VRK3: variants seen among roughly 807,000 people sequenced by gnomAD.
VRK3 encodes VRK serine/threonine kinase 3.
A neutral mutation model predicts 60.4 loss-of-function variants in VRK3; 50 were observed. The ratio of observed to expected loss-of-function variants is 0.83; its 90% CI spans 0.66 to 1.05. The LOEUF is 1.05. Among genes scored for constraint, VRK3 ranks in the 50% least tolerant of loss-of-function variants. The pLI is 0.00. For synonymous variants in VRK3, 246 were observed against 227.8 expected (o/e 1.08, Z -0.72); for missense variants, 549 against 585.3 (o/e 0.94, Z 0.64).
In VRK3 at chr19:50,007,699, C is replaced by T. The variant is rs768269008; in HGVS notation, c.417G>A (p.Thr139=). The T allele has an allele frequency of 4.4e-5, 71 of 1,614,062 alleles. No homozygotes were observed. The highest frequency in any genetic ancestry group is 4.7e-5 in the Non-Finnish European group (55 of 1,180,058). Residue 139 remains threonine (T), a synonymous_variant, in exon 5 of 15, where the codon ACG becomes ACA. Coordinates refer to ENST00000316763, the MANE Select transcript of VRK3 (RefSeq NM_016440.4). The part of the protein sequence containing the change: ...SPQKTRQSPQ[T]LKRSRVTTSL... ...AGGTGGTCACTCGGCTCCGCTTCAG[C>T]GTCTGAGGGCTCTGCCTGGTCTTCT...
chr19:50,012,789 C>T (rs1246256982), intron 3 of VRK3, among the ~76,000 whole-genome samples: 5 of 151,884 alleles, frequency 3.3e-5, no homozygotes, highest in South Asian at 2.1e-4. Flanking sequence ...GCAGGAAAAT[C>T]GCTTGAACCT....
chr19:50,000,530 C>G, intron 6 of VRK3: 1 of 533,322 alleles, frequency 1.9e-6, no homozygotes, highest in Non-Finnish European at 3.4e-6. Flanking sequence ...AAACTGAGCT[C>G]TGAGGGGGAT....
intron 5 of VRK3, among the ~76,000 whole-genome samples, chr19:50,004,377 C>A (rs1307949073): frequency 3.3e-5 from 5 of 152,096 alleles, no homozygotes; most frequent in Admixed American, 2.0e-4. Flanking sequence ...TGCTCCTCGG[C>A]CCCTCATTCC....
chr19:49,989,693 TC>T lies in VRK3; in HGVS notation c.1041del (p.Ser348AlafsTer34). On this transcript the variant is annotated frameshift_variant, in exon 11 of 15. Transcript: ENST00000316763. LOFTEE classifies it high-confidence loss of function. Reference sequence around the variant, plus strand: ...AACTCAAGGTCCCCCTCGTGAGGGCTCCTGCTGCCTTCCACGTAGGCCACGT... The same window carrying T: ...AACTCAAGGTCCCCCTCGTGAGGGCTCTGCTGCCTTCCACGTAGGCCACGT... ...GKHVAYVEGSRSPHEGDLEFI... is the reference protein window; with the variant it reads ...GKHVAYVEGSXSPHEGDLEFI... 6.2e-7 allele frequency: 1 copy of T among 1,613,928 alleles called. No individual in the cohort carries two copies. Among genetic ancestry groups the T allele is most frequent in the Non-Finnish European group, 8.5e-7 (1 of 1,179,858 alleles).
chr19:49,989,165 T>C (rs549841499), intron 11 of VRK3, among the ~76,000 whole-genome samples: 1 of 152,154 alleles, frequency 6.6e-6, no homozygotes, highest in African/African-American at 2.4e-5. Flanking sequence ...TATAAAGGGA[T>C]GTGAGAAAGA....
intron 12 of VRK3, among the ~76,000 whole-genome samples, chr19:49,983,660 TCTC>T (rs1278546855): frequency 2.6e-5 from 4 of 152,392 alleles, no homozygotes; most frequent in Admixed American, 2.6e-4. Context: ...TTCAACGGCC[TCTC>T]CTCCTTCTTT....
intron 6 of VRK3, chr19:50,000,388 TTC>T (rs142667207): frequency 0.039 from 8,161 of 207,712 alleles, 701 homozygotes; most frequent in African/African-American, 0.18. Flanking sequence ...ATCTGCTGGG[TTC>T]TCTTTTGGAC....
intron 1 of VRK3, among the ~76,000 whole-genome samples, chr19:50,022,188 CA>C (rs2122704327): frequency 6.6e-6 from 1 of 152,330 alleles, no homozygotes; most frequent in African/African-American, 2.4e-5. Context: ...CCAATTTATA[CA>C]ACGAAAACGC....
intron 1 of VRK3, among the ~76,000 whole-genome samples, chr19:50,021,983 A>G (rs1035852789): frequency 6.6e-6 from 1 of 152,066 alleles, no homozygotes; most frequent in African/African-American, 2.4e-5. Context: ...TTAAGCGGCG[A>G]GCCAGACACA....
chr19:50,006,337 T>TAATAAC (rs1371841724), intron 5 of VRK3, among the ~76,000 whole-genome samples: 7,682 of 150,962 alleles, frequency 0.051, 639 homozygotes, highest in African/African-American at 0.18. Context: ...TAAATAATAA[T>TAATAAC]AATAAAAGAA....
chr19:49,980,200 C>T (rs1454508060), intron 13 of VRK3, among the ~76,000 whole-genome samples: 1 of 152,124 alleles, frequency 6.6e-6, no homozygotes, highest in Non-Finnish European at 1.5e-5. Context: ...GGCACAAAGA[C>T]AACAGGAAAA....
In VRK3 at chr19:50,000,794, T is replaced by TTC. The variant is rs1164184293; in HGVS notation, c.607_608insGA (p.Lys203ArgfsTer106). 8 of 1,613,260 alleles carry TTC rather than the reference T, an allele frequency of 5.0e-6. No individual in the cohort carries two copies. Among genetic ancestry groups the TTC allele is most frequent in the Non-Finnish European group, 6.8e-6 (8 of 1,179,660 alleles). On this transcript the variant is annotated frameshift_variant, in exon 6 of 15. Transcript: ENST00000316763. LOFTEE classifies it high-confidence loss of function. Reference sequence around the variant, plus strand: ...CCCACCTGCAGGGTCACTTACCAGTTTGAGTGAGAACTTTTGCTTCTGTGG... The same window carrying TTC: ...CCCACCTGCAGGGTCACTTACCAGTTTCTGAGTGAGAACTTTTGCTTCTGTGG...
chr19:50,021,877 C>T (rs1404972721), intron 1 of VRK3, among the ~76,000 whole-genome samples: 1 of 152,216 alleles, frequency 6.6e-6, no homozygotes, highest in Non-Finnish European at 1.5e-5. Context: ...CAGAACCTTC[C>T]CAATCACCCT....
rs1053936986 is a variant in VRK3 at position 49,977,714 on chromosome 19, C to A, written c.*12-930G>T. On this transcript the variant is annotated intron_variant, in intron 14 of 14. Transcript: ENST00000316763. The stretch of plus-strand genomic sequence containing the variant: ...GGGGGAGCAAGGGTGTTGGGGAGGA[C>A]CCCGAGCTGTCTGGCCTGGATAACT... Among the ~76,000 whole-genome samples the A allele has an allele frequency of 4.6e-5, 7 of 152,066 alleles. 1 individual carries two copies. Among genetic ancestry groups the A allele is most frequent in the Admixed American group, 2.6e-4 (4 of 15,262 alleles).
Position 50,009,226 on chromosome 19 carries a change from T to G in VRK3, c.289+10A>C. On this transcript the variant is annotated intron_variant, in intron 4 of 14. Coordinates refer to ENST00000316763, the MANE Select transcript of VRK3 (RefSeq NM_016440.4). ...CTTAAGAGTCAGGCCAGATAGACCTTAACTCTTACCTTTGGATCTCTCAGA... is the reference window on the plus strand; with the variant it reads ...CTTAAGAGTCAGGCCAGATAGACCTGAACTCTTACCTTTGGATCTCTCAGA... 1 of 1,613,410 alleles carries G rather than the reference T, an allele frequency of 6.2e-7. No individual in the cohort carries two copies. The highest frequency in any genetic ancestry group is 8.5e-7 in the Non-Finnish European group (1 of 1,179,622).
At chr19:49,986,042 A>G (rs1034557055) in intron 12 of VRK3, among the ~76,000 whole-genome samples, 2 of 152,184 alleles carry the variant, frequency 1.3e-5, no homozygotes, top group African/African-American at 4.8e-5. Flanking sequence ...CAAGTGTATA[A>G]TAAATGTTAG....
At chr19:49,978,865 C>T (rs1476484392) in intron 14 of VRK3, 1 of 451,690 alleles carries the variant, frequency 2.2e-6, no homozygotes, top group Non-Finnish European at 3.9e-6. Flanking sequence ...CAATCAATCC[C>T]CACTTTTCTT....
intron 1 of VRK3, among the ~76,000 whole-genome samples, chr19:50,023,514 C>A (rs1029720627): frequency 6.6e-6 from 1 of 152,162 alleles, no homozygotes; most frequent in Non-Finnish European, 1.5e-5. Context: ...ATGTTTTATC[C>A]TCCTTACCTT....
At position 50,005,651 on chromosome 19, in the gene VRK3, C is replaced by CACA. The variant is rs1361864519; in HGVS notation, c.547+1915_547+1917dup. Among the ~76,000 whole-genome samples, 5 of 150,036 alleles carry CACA rather than the reference C, an allele frequency of 3.3e-5. No homozygotes were observed. The East Asian group carries it at 9.6e-4, about 29-fold the overall frequency. On this transcript the variant is annotated intron_variant, in intron 5 of 14. Coordinates refer to ENST00000316763, the MANE Select transcript of VRK3 (RefSeq NM_016440.4). ...CCCATCAGCTGCTAAGTGGCTAAGC[C>CACA]ACATGGGGTGTTCCCATACAGCAGA...
Sources: gnomAD v4.1 joint callset for allele counts (sites outside exome capture counted in the v4.1 genomes callset) on GRCh38, gnomAD v4.1.1 for gene constraint, MANE v1.5 for transcripts, NCBI Gene and HGNC (gene_info 2026-07-23, HGNC 2026-07-21) for gene names.